Variants in DGKG observed in about 807,000 individuals in gnomAD.
DGKG encodes diacylglycerol kinase gamma, also known as DAG kinase gamma.
Under a neutral mutation model 105.3 loss-of-function variants are expected in DGKG, and 78 were observed. The observed-to-expected ratio is 0.74, with a 90% CI of 0.62 to 0.89. The LOEUF is 0.89. Among genes scored for constraint, DGKG ranks in the 40% least tolerant of loss-of-function variants. The probability of loss-of-function intolerance (pLI) is 0.00; values close to 1 mark genes in which losing one functional copy is unlikely to be tolerated. For missense variants in DGKG, 958 were observed against 1,020.1 expected, an observed-to-expected ratio of 0.94 and a Z score of 0.83; for synonymous variants, 346 against 367.1, an observed-to-expected ratio of 0.94 and a Z score of 0.66.
At position 186,267,877 on chromosome 3, in the gene DGKG, C is replaced by G. The variant is rs1294950453; in HGVS notation, c.1117-100G>C. The G allele has an allele frequency of 2.9e-6, 3 of 1,030,184 alleles. No homozygotes were observed. The East Asian group carries it at 7.4e-5, about 25-fold the overall frequency. The allele number at this position is 1,030,184 out of a possible 1,614,324, so 63.8% of individuals were successfully genotyped here. ...GGGGAGAGGTGAGCTGTCTAGTGCT[C>G]CCCCAAATCCTGATGCACTGCTGGC... On this transcript the variant is annotated intron_variant, in intron 12 of 24. Transcript: ENST00000265022.
chr3:186,251,355 C>T (rs1453386221), intron 19 of DGKG, among the ~76,000 whole-genome samples: 2 of 152,070 alleles, frequency 1.3e-5, no homozygotes, highest in Non-Finnish European at 2.9e-5. Context: ...CAACTTGGGA[C>T]CACATGGTCT....
chr3:186,306,854 TA>T (rs757823770), intron 3 of DGKG, 46 bp downstream of exon 3: 1 of 1,352,578 alleles, frequency 7.4e-7, no homozygotes, highest in South Asian at 1.2e-5. Context: ...ATGGAAAGGC[TA>T]AAAAACACAG....
chr3:186,335,119 T>G (rs116253890), intron 1 of DGKG, among the ~76,000 whole-genome samples: 4,157 of 152,290 alleles, frequency 0.027, 196 homozygotes, highest in African/African-American at 0.095. Context: ...TTGCCCAGGC[T>G]GGAGTGCAGT....
chr3:186,224,727 C>CT (rs1272766671), intron 20 of DGKG, among the ~76,000 whole-genome samples: 2 of 93,776 alleles, frequency 2.1e-5, no homozygotes, highest in Non-Finnish European at 4.2e-5. Flanking sequence ...ATGATTGACA[C>CT]CCCCCCGCCC....
intron 19 of DGKG, among the ~76,000 whole-genome samples, chr3:186,247,960 ACTTC>A (rs1209675429): frequency 2.0e-5 from 3 of 151,404 alleles, no homozygotes; most frequent in South Asian, 2.1e-4. Context: ...AGCCAGCAGG[ACTTC>A]CTTCCTTCCT....
At chr3:186,268,968 C>T (rs768687231) in intron 11 of DGKG, 51 bp from the exon 12 acceptor site, 33 of 1,355,364 alleles carry the variant, frequency 2.4e-5, no homozygotes, top group African/African-American at 1.4e-4. Context: ...ACCATGTCCC[C>T]GGGGCCCTGG....
chr3:186,215,750 T>A (rs750531983), intron 20 of DGKG, among the ~76,000 whole-genome samples: 3 of 151,992 alleles, frequency 2.0e-5, no homozygotes, highest in Non-Finnish European at 4.4e-5. Context: ...GATAGCCAAG[T>A]TTTTGTCTTA....
chr3:186,214,839 A>G (rs192649259), intron 20 of DGKG, among the ~76,000 whole-genome samples: 2 of 152,370 alleles, frequency 1.3e-5, no homozygotes, highest in African/African-American at 4.8e-5. Context: ...AAAGACAGAC[A>G]GGAAGCAGAC....
At chr3:186,329,742 T>C (rs568288140) in intron 1 of DGKG, among the ~76,000 whole-genome samples, 1 of 152,360 alleles carries the variant, frequency 6.6e-6, no homozygotes, top group Admixed American at 6.5e-5. Context: ...ATAACTCTTA[T>C]GCAGGCTTTG....
rs1272034999 is a variant in DGKG, at chr3:186,265,237, C to T, written c.1269+10G>A. 9.3e-6 allele frequency: 15 copies of T among 1,613,422 alleles called. No homozygotes were observed. The highest frequency in any genetic ancestry group is 3.3e-5 in the South Asian group (3 of 91,068). On this transcript the variant is annotated intron_variant, in intron 14 of 24. Coordinates refer to ENST00000265022, the MANE Select transcript of DGKG (RefSeq NM_001346.3). ...AGAAGGTGCAATCGGATTTAGAGCT[C>T]ATGAGGTACCTGCATGACAAGTTCG...
intron 18 of DGKG, 144 bp from the exon 19 acceptor site, chr3:186,252,063 T>C (rs1308814915): frequency 8.9e-6 from 6 of 671,438 alleles, no homozygotes; most frequent in Non-Finnish European, 1.4e-5. Context: ...GACACTTACG[T>C]TCCCCGAGCC....
At chr3:186,261,148 T>C (rs1721754312) in intron 15 of DGKG, among the ~76,000 whole-genome samples, 1 of 152,198 alleles carries the variant, frequency 6.6e-6, no homozygotes, top group Non-Finnish European at 1.5e-5. Flanking sequence ...TATTATTTTT[T>C]AACCTGGATT....
intron 8 of DGKG, 102 bp downstream of exon 8, chr3:186,280,568 C>A (rs1578770143): frequency 2.3e-6 from 2 of 882,858 alleles, no homozygotes; most frequent in Admixed American, 2.2e-5. Context: ...GAAGATGAGT[C>A]TGGGAGCACC....
chr3:186,242,748 G>T, intron 19 of DGKG, 180 bp from the exon 20 acceptor site: 1 of 530,486 alleles, frequency 1.9e-6, no homozygotes, highest in East Asian at 3.0e-5. Context: ...CCTCCAGGGG[G>T]ATGAGCTAGC....
intron 5 of DGKG, among the ~76,000 whole-genome samples, chr3:186,294,401 T>G (rs1723448982): frequency 6.6e-6 from 1 of 152,124 alleles, no homozygotes; most frequent in East Asian, 1.9e-4. Flanking sequence ...CTGGCCATGA[T>G]GGCATGCACC....
chr3:186,273,367 CTTTTTTTTTTT>C (rs375667915), intron 10 of DGKG, among the ~76,000 whole-genome samples: 2 of 85,596 alleles, frequency 2.3e-5, no homozygotes, highest in South Asian at 4.9e-4. Flanking sequence ...TGTTGTACCC[CTTTTTTTTTTT>C]TTTTTTTTTT....
chr3:186,332,217 A>G (rs527842277), intron 1 of DGKG, among the ~76,000 whole-genome samples: 18 of 152,350 alleles, frequency 1.2e-4, no homozygotes, highest in African/African-American at 3.8e-4. Context: ...AAGCTATATT[A>G]TATTAAACAT....
chr3:186,316,237 T>C (rs1724814431), intron 2 of DGKG, among the ~76,000 whole-genome samples: 1 of 152,192 alleles, frequency 6.6e-6, no homozygotes, highest in Non-Finnish European at 1.5e-5. Flanking sequence ...GAAACCAAAA[T>C]GGTGGTTGTT....
intron 18 of DGKG, among the ~76,000 whole-genome samples, chr3:186,252,771 G>A (rs1187112531): frequency 3.3e-5 from 5 of 152,148 alleles, no homozygotes; most frequent in African/African-American, 7.2e-5. Context: ...TCTGGGGATG[G>A]GACATATGAG....
Sources: gnomAD v4.1 joint callset for allele counts (sites outside exome capture counted in the v4.1 genomes callset) on GRCh38, gnomAD v4.1.1 for gene constraint, MANE v1.5 for transcripts, NCBI Gene and HGNC (gene_info 2026-07-23, HGNC 2026-07-21) for gene names.